Variants in RNF2 observed in about 807,000 individuals in gnomAD.
RNF2 encodes the protein ring finger protein 2, also known as E3 ubiquitin-protein ligase RING2.
In RNF2, 6 loss-of-function variants were observed where a neutral mutation model predicts 37.2. That is an observed-to-expected ratio of 0.16 (90% CI 0.09 to 0.32). The LOEUF (loss-of-function observed/expected upper bound fraction) is 0.32, where lower values mean the gene tolerates loss of function less well. Ranked by LOEUF, RNF2 falls within the 10% of genes least tolerant of loss-of-function variation. RNF2 has a pLI of 1.00. For synonymous variants in RNF2, 133 were observed against 132.7 expected, an observed-to-expected ratio of 1.00 and a Z score of -0.02; for missense variants, 251 against 404.0, an observed-to-expected ratio of 0.62 and a Z score of 3.25.
Position 185,077,641 on chromosome 1 carries a change from C to T in RNF2, c.-2-9911C>T, listed in dbSNP as rs186213786. ...ATTAACTTTGTTTTTTTTTTTTTGG[C>T]TAGAAATTTAGCTATATTATTGGCT... On this transcript the variant is annotated intron_variant, in intron 1 of 6. Transcript: ENST00000367510. 6.1e-3 allele frequency among the ~76,000 whole-genome samples: 584 copies of T among 95,770 alleles called. 9 individuals carry two copies. Among genetic ancestry groups the T allele is most frequent in the African/African-American group, 0.025 (522 of 20,566 alleles). 62.8% of individuals were successfully genotyped at this position (95,770 alleles called of 152,430 possible).
chr1:185,057,882 C>A (rs1199249461), intron 1 of RNF2, among the ~76,000 whole-genome samples: 1 of 151,848 alleles, frequency 6.6e-6, no homozygotes. Context: ...TGCCTATAAT[C>A]CCAGCACTTA....
At chr1:185,071,183 G>A (rs1229607000) in intron 1 of RNF2, among the ~76,000 whole-genome samples, 1 of 152,114 alleles carries the variant, frequency 6.6e-6, no homozygotes, top group Non-Finnish European at 1.5e-5. Flanking sequence ...GGGAGTAGAG[G>A]AAAAAGTCAG....
At chr1:185,077,715 GT>G (rs540906963) in intron 1 of RNF2, among the ~76,000 whole-genome samples, 191 of 92,178 alleles carry the variant, frequency 2.1e-3, no homozygotes, top group South Asian at 9.7e-3. Flanking sequence ...GTTTTGTTTT[GT>G]TTTTTTTTTT....
intron 1 of RNF2, among the ~76,000 whole-genome samples, chr1:185,067,869 C>G (rs929487006): frequency 6.6e-6 from 1 of 151,396 alleles, no homozygotes; most frequent in African/African-American, 2.4e-5. Context: ...TGCCACCACG[C>G]CCAGCTAATT....
intron 4 of RNF2, among the ~76,000 whole-genome samples, chr1:185,093,718 A>C (rs191745059): frequency 6.6e-6 from 1 of 151,980 alleles, no homozygotes; most frequent in Non-Finnish European, 1.5e-5. Flanking sequence ...TCTTTGAATA[A>C]TTTTCTTCAC....
intron 1 of RNF2, among the ~76,000 whole-genome samples, chr1:185,079,353 G>T (rs1030506196): frequency 6.6e-6 from 1 of 152,092 alleles, no homozygotes; most frequent in African/African-American, 2.4e-5. Flanking sequence ...GAACAAACCA[G>T]AATGGAGTCA....
chr1:185,063,147 T>C (rs148153808), intron 1 of RNF2, among the ~76,000 whole-genome samples: 30 of 152,324 alleles, frequency 2.0e-4, no homozygotes, highest in African/African-American at 7.2e-4. Flanking sequence ...ATGAGTGAAT[T>C]CTGAGCAATG....
chr1:185,067,828 A>C (rs1001905091), intron 1 of RNF2, among the ~76,000 whole-genome samples: 58 of 146,596 alleles, frequency 4.0e-4, no homozygotes, highest in African/African-American at 1.5e-3. Flanking sequence ...CTCCTACCTC[A>C]GCCTCTCGAG....
intron 1 of RNF2, among the ~76,000 whole-genome samples, chr1:185,083,165 A>G (rs913102026): frequency 6.6e-6 from 1 of 152,114 alleles, no homozygotes; most frequent in Non-Finnish European, 1.5e-5. Flanking sequence ...TGCTTTATCT[A>G]CTAATATCTT....
chr1:185,093,206 A>C lies in RNF2; in HGVS notation c.394A>C (p.Asn132His). 3 of 1,614,144 alleles carry C rather than the reference A, an allele frequency of 1.9e-6. No homozygotes were observed. Among genetic ancestry groups the C allele is most frequent in the Non-Finnish European group, 2.5e-6 (3 of 1,179,990 alleles). ...TCAAGAGAGAGTATTAGCCAGGATC[A>C]ACAAGCACAATAATCAGCAAGCACT... ...AHQERVLARI[N>H]KHNNQQALSH... The change falls in exon 4 of 7, where the codon AAC (asparagine) becomes CAC (histidine). Residue 132 changes from asparagine (N) to histidine (H), a missense_variant. This residue lies in a region of RNF2 where 33 missense variants were observed against 46.8 expected (regional missense o/e 0.71). Transcript: ENST00000367510.
At chr1:185,076,268 GTTTTTTTTT>G (rs71101959) in intron 1 of RNF2, among the ~76,000 whole-genome samples, 6 of 27,340 alleles carry the variant, frequency 2.2e-4, no homozygotes, top group Admixed American at 3.9e-4. Flanking sequence ...TTTATGGGTT[GTTTTTTTTT>G]TTTTTTTTTT....
chr1:185,076,192 A>T (rs1451833592), intron 1 of RNF2, among the ~76,000 whole-genome samples: 1 of 147,458 alleles, frequency 6.8e-6, no homozygotes, highest in African/African-American at 2.5e-5. Context: ...GAGGCGAAAT[A>T]TGAACCTTTC....
At chr1:185,057,739 C>T (rs897969697) in intron 1 of RNF2, among the ~76,000 whole-genome samples, 3 of 151,544 alleles carry the variant, frequency 2.0e-5, no homozygotes, top group Middle Eastern at 3.2e-3. Context: ...TACAGTCATC[C>T]GTCTGTATCC....
chr1:185,055,284 A>G (rs1036640956), intron 1 of RNF2, among the ~76,000 whole-genome samples: 4 of 152,196 alleles, frequency 2.6e-5, no homozygotes, highest in African/African-American at 9.7e-5. Flanking sequence ...GAAATGTTCC[A>G]ATGAGCATTT....
chr1:185,074,085 C>A lies in RNF2; in HGVS notation c.-2-13467C>A, dbSNP rs949545927. Among the ~76,000 whole-genome samples the A allele has an allele frequency of 7.9e-5, 12 of 152,194 alleles. 1 individual carries two copies. Among genetic ancestry groups the A allele is most frequent in the Admixed American group, 7.2e-4 (11 of 15,276 alleles). On this transcript the variant is annotated intron_variant, in intron 1 of 6. Coordinates refer to ENST00000367510, the MANE Select transcript of RNF2 (RefSeq NM_007212.4). ...AGAACTCAGAAAAGCATTTTACTTACATTTATCAGTTTGTTATAAAGGACA... is the reference window on the plus strand; with the variant it reads ...AGAACTCAGAAAAGCATTTTACTTAAATTTATCAGTTTGTTATAAAGGACA...
At chr1:185,085,388 G>A (rs1187955310) in intron 1 of RNF2, among the ~76,000 whole-genome samples, 4 of 151,554 alleles carry the variant, frequency 2.6e-5, no homozygotes, top group Non-Finnish European at 2.9e-5. Flanking sequence ...CGCCTGCCTC[G>A]GCCTCCCAAA....
chr1:185,054,079 T>C (rs1253111312), intron 1 of RNF2, among the ~76,000 whole-genome samples: 1 of 152,190 alleles, frequency 6.6e-6, no homozygotes, highest in African/African-American at 2.4e-5. Context: ...TGTGTACTTA[T>C]TCTTTATAAC....
chr1:185,097,903 T>C (rs1387646985), intron 4 of RNF2, among the ~76,000 whole-genome samples, 169 bp from the exon 5 acceptor site: 1 of 152,206 alleles, frequency 6.6e-6, no homozygotes, highest in Non-Finnish European at 1.5e-5. Flanking sequence ...GCAAGAGAGA[T>C]TTTTTAGACC....
intron 1 of RNF2, among the ~76,000 whole-genome samples, chr1:185,086,112 T>C (rs186911750): frequency 5.7e-4 from 87 of 152,302 alleles, no homozygotes; most frequent in Non-Finnish European, 1.1e-3. Context: ...TCTCTTTCTT[T>C]TTAAGGTTTA....
Sources: gnomAD v4.1 joint callset for allele counts (sites outside exome capture counted in the v4.1 genomes callset) on GRCh38, gnomAD v4.1.1 for gene constraint, gnomAD v4.1.1 regional missense constraint, MANE v1.5 for transcripts, NCBI Gene and HGNC (gene_info 2026-07-23, HGNC 2026-07-21) for gene names.